SGCD: variants seen among roughly 807,000 people sequenced by gnomAD.
SGCD encodes the protein delta-sarcoglycan.
SGCD carries 18 observed loss-of-function variants against 36.6 expected under a neutral mutation model. The observed-to-expected ratio is 0.49, with a 90% CI of 0.34 to 0.73. The LOEUF (loss-of-function observed/expected upper bound fraction) is 0.73, where lower values mean the gene tolerates loss of function less well. SGCD is among the 30% of genes least tolerant of loss of function. SGCD has a pLI of 0.01. For synonymous variants in SGCD, 133 were observed against 130.6 expected, an observed-to-expected ratio of 1.02 and a Z score of -0.12; for missense variants, 387 against 346.7, an observed-to-expected ratio of 1.12 and a Z score of -0.92.
chr5:156,214,518 T>C (rs75271141), intron 3 of SGCD, among the ~76,000 whole-genome samples: 2,312 of 152,136 alleles, frequency 0.015, 26 homozygotes, highest in Non-Finnish European at 0.026. Context: ...ATTGTTAAAA[T>C]GTTCATATTA....
chr5:156,103,717 T>A (rs990714067), intron 1 of SGCD, among the ~76,000 whole-genome samples: 1 of 152,142 alleles, frequency 6.6e-6, no homozygotes, highest in African/African-American at 2.4e-5. Flanking sequence ...TAATTTATGA[T>A]GATATATTAG....
At chr5:156,619,443 T>C (rs1762158581) in intron 6 of SGCD, among the ~76,000 whole-genome samples, 1 of 152,260 alleles carries the variant, frequency 6.6e-6, no homozygotes, top group Non-Finnish European at 1.5e-5. Context: ...CAAGCATCTG[T>C]TGGCCTGTTT....
chr5:155,895,568 G>A (rs780058286), intron 1 of SGCD, among the ~76,000 whole-genome samples: 1 of 152,034 alleles, frequency 6.6e-6, no homozygotes, highest in Non-Finnish European at 1.5e-5. Context: ...CAAATGTCCT[G>A]GTGGTAAGTG....
intron 1 of SGCD, among the ~76,000 whole-genome samples, chr5:155,919,189 A>G (rs1756818381): frequency 6.6e-6 from 1 of 152,242 alleles, no homozygotes. Flanking sequence ...GGACATGAAT[A>G]TCATCTATGC....
chr5:156,406,676 G>A (rs1316495688), intron 3 of SGCD, among the ~76,000 whole-genome samples: 2 of 151,252 alleles, frequency 1.3e-5, no homozygotes. Context: ...GCTCAAAACA[G>A]CCCGATGAGG....
intron 7 of SGCD, among the ~76,000 whole-genome samples, chr5:156,657,016 A>C (rs963362199): frequency 6.6e-6 from 1 of 152,200 alleles, no homozygotes; most frequent in Non-Finnish European, 1.5e-5. Flanking sequence ...AGGCTTGCAC[A>C]AGTTGACAAA....
chr5:156,245,730 A>G (rs576143883), intron 3 of SGCD, among the ~76,000 whole-genome samples: 11 of 152,290 alleles, frequency 7.2e-5, no homozygotes, highest in African/African-American at 2.2e-4. Context: ...ACCAAAGTCC[A>G]GAATGGAGAA....
upstream of SGCD, among the ~76,000 whole-genome samples, chr5:155,869,776 G>A (rs1360374254): frequency 5.3e-5 from 8 of 152,172 alleles, no homozygotes; most frequent in Admixed American, 1.3e-4. Flanking sequence ...CAAGGTGGGC[G>A]GATCACGAGG....
At chr5:156,297,546 C>A (rs1385071776) in intron 3 of SGCD, among the ~76,000 whole-genome samples, 3 of 148,392 alleles carry the variant, frequency 2.0e-5, no homozygotes, top group Non-Finnish European at 4.4e-5. Flanking sequence ...GAACAAAAAA[C>A]CAAACACCAC....
At chr5:156,696,968 C>G (rs1266716148) in intron 7 of SGCD, among the ~76,000 whole-genome samples, 1 of 142,342 alleles carries the variant, frequency 7.0e-6, no homozygotes, top group African/African-American at 2.6e-5. Context: ...ACACACTTCA[C>G]CATAGAAAGA....
intron 1 of SGCD, among the ~76,000 whole-genome samples, chr5:155,976,832 C>A (rs1043158879): frequency 6.6e-6 from 1 of 152,202 alleles, no homozygotes. Context: ...CTGAACCCTC[C>A]AGCTGCCCAC....
At chr5:156,004,296 A>G (rs1307435353) in intron 1 of SGCD, among the ~76,000 whole-genome samples, 1 of 152,202 alleles carries the variant, frequency 6.6e-6, no homozygotes, top group Non-Finnish European at 1.5e-5. Context: ...CATTTGTAAC[A>G]TGCTTCTTTC....
chr5:155,966,761 C>T (rs1757908816), intron 1 of SGCD, among the ~76,000 whole-genome samples: 1 of 151,964 alleles, frequency 6.6e-6, no homozygotes, highest in Admixed American at 6.6e-5. Flanking sequence ...AAGTCCTCAC[C>T]CAGAGTTGCC....
chr5:156,214,155 A>G (rs979620373), intron 3 of SGCD, among the ~76,000 whole-genome samples: 1 of 152,000 alleles, frequency 6.6e-6, no homozygotes, highest in Admixed American at 6.5e-5. Context: ...GGAAAGAAAA[A>G]TGTTAAATTA....
intron 1 of SGCD, among the ~76,000 whole-genome samples, chr5:156,026,893 C>T (rs1047228501): frequency 6.6e-6 from 1 of 152,016 alleles, no homozygotes; most frequent in African/African-American, 2.4e-5. Flanking sequence ...TGTCATGACT[C>T]AGCTCTGTCA....
the SGCD span, among the ~76,000 whole-genome samples, chr5:155,825,680 G>T: frequency 1.2e-4 from 19 of 152,074 alleles, no homozygotes; most frequent in South Asian, 4.0e-3. Flanking sequence ...GTCCTGGATC[G>T]AGGAGTGCAA....
chr5:155,944,737 A>G (rs1327860622), intron 1 of SGCD, among the ~76,000 whole-genome samples: 1 of 152,218 alleles, frequency 6.6e-6, no homozygotes, highest in Non-Finnish European at 1.5e-5. Context: ...TAATCTGACA[A>G]AAAATGTGGT....
intron 1 of SGCD, among the ~76,000 whole-genome samples, chr5:156,095,120 A>G (rs1168977755): frequency 6.6e-6 from 1 of 152,210 alleles, no homozygotes; most frequent in Admixed American, 6.5e-5. Flanking sequence ...TTGTTCCACA[A>G]GCCACCTCCT....
In SGCD at chr5:156,309,017, T is replaced by A. The variant is rs111418793; in HGVS notation, c.-43-20517T>A. On this transcript the variant is annotated intron_variant, in intron 3 of 9. Transcript: ENST00000517913. The stretch of plus-strand genomic sequence containing the variant: ...TTTGATGAGAAAGTTGCTAATAAAT[T>A]TATTGAGAATCCCTTGTATGTGGCA... Among the ~76,000 whole-genome samples, 438 of 152,298 alleles carry A rather than the reference T, an allele frequency of 2.9e-3. 4 individuals carry two copies. The highest frequency in any genetic ancestry group is 1.0e-2 in the African/African-American group (414 of 41,560).
Sources: allele counts gnomAD v4.1 joint callset (sites outside exome capture counted in the v4.1 genomes callset), GRCh38; gene constraint gnomAD v4.1.1; transcripts MANE v1.5; gene names NCBI Gene and HGNC (gene_info 2026-07-23, HGNC 2026-07-21).